The following PTPRM variants were observed in gnomAD, a reference collection of about 807,000 sequenced individuals.
PTPRM encodes protein tyrosine phosphatase receptor type M.
A neutral mutation model predicts 186.7 loss-of-function variants in PTPRM; 47 were observed. The ratio of observed to expected loss-of-function variants is 0.25; its 90% CI spans 0.20 to 0.32. The LOEUF (loss-of-function observed/expected upper bound fraction) is 0.32. PTPRM is among the 10% of genes least tolerant of loss of function. PTPRM has a pLI of 1.00. For missense variants in PTPRM, 1,494 were observed against 1,865.0 expected, an observed-to-expected ratio of 0.80 and a Z score of 3.66; for synonymous variants, 668 against 674.9, an observed-to-expected ratio of 0.99 and a Z score of 0.16.
intron 4 of PTPRM, among the ~76,000 whole-genome samples, chr18:7,917,700 T>A (rs1408448504): frequency 6.6e-6 from 1 of 152,214 alleles, no homozygotes; most frequent in Non-Finnish European, 1.5e-5. Context: ...ATTGTTACTA[T>A]CTTCTAGATA....
At position 8,296,335 on chromosome 18, in the gene PTPRM, A is replaced by G. The variant is rs770238929; in HGVS notation, c.2755-33A>G. On this transcript the variant is annotated intron_variant, in intron 19 of 32. Coordinates refer to ENST00000580170, the MANE Select transcript of PTPRM (RefSeq NM_001105244.2). ...TTAAGATCCCTCTGTTTACTGCGCCAAATTGTAATTCTCAGTCTCACTTTC... is the reference window on the plus strand; with the variant it reads ...TTAAGATCCCTCTGTTTACTGCGCCGAATTGTAATTCTCAGTCTCACTTTC... 4.2e-6 allele frequency: 6 copies of G among 1,429,084 alleles called. No homozygotes were observed. The African/African-American group carries it at 7.0e-5, about 17-fold the overall frequency. The allele number at this position is 1,429,084 out of a possible 1,614,324, so 88.5% of individuals were successfully genotyped here. A position where few individuals can be genotyped will look rare whatever the true frequency, so the allele number is the denominator to read the frequency against.
chr18:8,044,270 G>A (rs1003312747), intron 7 of PTPRM, among the ~76,000 whole-genome samples: 86 of 152,182 alleles, frequency 5.7e-4, no homozygotes, highest in Non-Finnish European at 1.3e-4. Context: ...TCATTGAATA[G>A]ATGACATTTG....
intron 23 of PTPRM, among the ~76,000 whole-genome samples, chr18:8,366,136 C>T (rs1308085974): frequency 1.3e-5 from 2 of 152,210 alleles, no homozygotes; most frequent in African/African-American, 4.8e-5. Context: ...TTGGGAACTG[C>T]TGACTTCTTA....
At chr18:7,997,502 A>G (rs2083608797) in intron 7 of PTPRM, among the ~76,000 whole-genome samples, 2 of 152,164 alleles carry the variant, frequency 1.3e-5, no homozygotes, top group Non-Finnish European at 2.9e-5. Context: ...AATATTGAAA[A>G]CACGTGGGAA....
intron 1 of PTPRM, among the ~76,000 whole-genome samples, chr18:7,682,466 G>T (rs2039501434): frequency 6.6e-6 from 1 of 152,112 alleles, no homozygotes; most frequent in Non-Finnish European, 1.5e-5. Context: ...ACTCATTTCT[G>T]CTCCCTGACT....
intron 1 of PTPRM, among the ~76,000 whole-genome samples, chr18:7,678,932 T>G (rs571306648): frequency 1.3e-5 from 2 of 152,242 alleles, no homozygotes; most frequent in East Asian, 3.9e-4. Context: ...TGAGTCAAAG[T>G]GAATGTGCGT....
At chr18:8,399,799 C>T (rs934460194) in intron 32 of PTPRM, 8 of 152,210 alleles carry the variant, frequency 5.3e-5, no homozygotes, top group South Asian at 4.2e-4. Context: ...TGGACACCAG[C>T]GGGGCTCTCA....
At chr18:7,964,380 A>C (rs1487548376) in intron 7 of PTPRM, among the ~76,000 whole-genome samples, 3 of 152,184 alleles carry the variant, frequency 2.0e-5, no homozygotes, top group Non-Finnish European at 4.4e-5. Context: ...AAATAGCTAA[A>C]AACTCTCAAC....
chr18:8,181,623 C>T (rs192327429), intron 14 of PTPRM, among the ~76,000 whole-genome samples: 88 of 152,328 alleles, frequency 5.8e-4, no homozygotes, highest in Non-Finnish European at 8.5e-4. Flanking sequence ...ATAGCATTTT[C>T]TGCTGCTTGT....
intron 2 of PTPRM, among the ~76,000 whole-genome samples, chr18:7,798,734 T>G (rs73395410): frequency 0.014 from 2,114 of 152,316 alleles, 52 homozygotes; most frequent in African/African-American, 0.048. Flanking sequence ...TCTCTCCTTA[T>G]GTCTTCTTAA....
At chr18:8,208,944 G>A (rs1041333777) in intron 14 of PTPRM, among the ~76,000 whole-genome samples, 2 of 152,178 alleles carry the variant, frequency 1.3e-5, no homozygotes, top group Admixed American at 6.5e-5. Flanking sequence ...CTCTGGGAGG[G>A]GACAGCAAGG....
intron 3 of PTPRM, among the ~76,000 whole-genome samples, chr18:7,903,902 A>G (rs1421503454): frequency 6.6e-6 from 1 of 152,182 alleles, no homozygotes; most frequent in African/African-American, 2.4e-5. Context: ...TTTTTGTTTG[A>G]GCAATGTGTA....
intron 1 of PTPRM, among the ~76,000 whole-genome samples, chr18:7,727,369 G>C (rs547539186): frequency 9.9e-5 from 15 of 152,114 alleles, no homozygotes; most frequent in Admixed American, 9.2e-4. Context: ...ACCTTGAAAG[G>C]CTGCTTTATT....
chr18:8,275,198 G>A (rs1183355933), intron 19 of PTPRM, among the ~76,000 whole-genome samples: 1 of 152,118 alleles, frequency 6.6e-6, no homozygotes, highest in Non-Finnish European at 1.5e-5. Context: ...TAGCACTTTG[G>A]GAGGCCAAGG....
At chr18:7,787,766 C>T (rs1273222259) in intron 2 of PTPRM, among the ~76,000 whole-genome samples, 2 of 152,180 alleles carry the variant, frequency 1.3e-5, no homozygotes. Flanking sequence ...CTCCTTTATA[C>T]TCTGTAAATG....
chr18:8,092,491 G>A (rs1000803223), intron 11 of PTPRM, among the ~76,000 whole-genome samples: 7 of 152,070 alleles, frequency 4.6e-5, no homozygotes, highest in African/African-American at 1.7e-4. Context: ...GTAGCTCACT[G>A]CAGTCTTGAC....
At chr18:7,598,782 C>CT (rs34474506) in intron 1 of PTPRM, among the ~76,000 whole-genome samples, 272 of 127,832 alleles carry the variant, frequency 2.1e-3, no homozygotes, top group South Asian at 3.3e-3. Flanking sequence ...TTCTGAATTC[C>CT]TTTTTTTTTT....
chr18:8,168,239 G>A (rs1007820797), intron 14 of PTPRM, among the ~76,000 whole-genome samples: 3 of 152,156 alleles, frequency 2.0e-5, no homozygotes, highest in East Asian at 3.9e-4. Flanking sequence ...TGACAAGGAC[G>A]TATTTTCATT....
intron 13 of PTPRM, among the ~76,000 whole-genome samples, chr18:8,129,966 A>G (rs977300002): frequency 1.3e-5 from 2 of 152,192 alleles, no homozygotes; most frequent in Non-Finnish European, 2.9e-5. Context: ...CCTTTCAGCA[A>G]TATCAGTGTG....
Sources: allele counts gnomAD v4.1 joint callset (sites outside exome capture counted in the v4.1 genomes callset), GRCh38; gene constraint gnomAD v4.1.1; transcripts MANE v1.5; gene names NCBI Gene and HGNC (gene_info 2026-07-23, HGNC 2026-07-21).